PROCR: variants seen among roughly 807,000 people sequenced by gnomAD.
PROCR encodes the protein endothelial protein C receptor.
Under a neutral mutation model 24.2 loss-of-function variants are expected in PROCR, and 22 were observed. The observed-to-expected ratio is 0.91, with a 90% confidence interval of 0.65 to 1.30. The LOEUF is 1.30. Among genes scored for constraint, PROCR ranks in the 50% most tolerant of loss-of-function variants. The pLI is 0.00. For synonymous variants in PROCR, 137 were observed against 139.2 expected (o/e 0.98, Z 0.11); for missense variants, 288 against 307.7 (o/e 0.94, Z 0.48).
intron 1 of PROCR, among the ~76,000 whole-genome samples, chr20:35,214,907 C>CTTTT (rs71198708): frequency 2.5e-5 from 3 of 119,512 alleles, no homozygotes; most frequent in Admixed American, 9.1e-5. Context: ...TTTTCTTTTT[C>CTTTT]TTTTTTTTTT....
chr20:35,182,126 T>C (rs977588704), downstream of PROCR, among the ~76,000 whole-genome samples: 2 of 152,232 alleles, frequency 1.3e-5, no homozygotes, highest in Non-Finnish European at 2.9e-5. Context: ...AAAGGAAAAC[T>C]TTAGATACCT....
At position 35,177,129 on chromosome 20, in the gene PROCR, G is replaced by A. The variant is rs1380530692; in HGVS notation, c.*316G>A. 4 of 1,196,314 alleles carry A rather than the reference G, an allele frequency of 3.3e-6. No homozygotes were observed. In the African/African-American group the frequency reaches 6.3e-5, roughly 19 times the overall value. 74.1% of individuals were successfully genotyped at this position (1,196,314 alleles called of 1,614,324 possible). ...GGAAGCCTATGGCCCATCCTCCAAA[G>A]ACAGACAGAATCACCTGAGGCGTTC... On this transcript the variant is annotated 3_prime_UTR_variant, in exon 4 of 4. Coordinates refer to ENST00000216968, the MANE Select transcript of PROCR (RefSeq NM_006404.5).
chr20:35,181,114 C>T (rs1448519913), downstream of PROCR, among the ~76,000 whole-genome samples: 3 of 151,510 alleles, frequency 2.0e-5, no homozygotes, highest in African/African-American at 7.3e-5. Context: ...GTGATCTACC[C>T]GCCTTGGCCT....
Position 35,174,947 on chromosome 20 carries a change from T to C in PROCR, c.316T>C (p.Leu106=). ...GCGCCTGGTGCACCAGGAGCGGACC[T>C]TGGCCTGTGAGTAGGCGCGCAGCGG... ...LVRLVHQERT[L]AFPLTIRCFL... The change falls in exon 2 of 4, where the codon TTG becomes CTG. Residue 106 remains leucine (L), a synonymous_variant. Transcript: ENST00000216968. The C allele has an allele frequency of 7.1e-7, 1 of 1,413,178 alleles. No individual in the cohort carries two copies. The highest frequency in any genetic ancestry group is 9.4e-7 in the Non-Finnish European group (1 of 1,062,680). 87.5% of individuals were successfully genotyped at this position (1,413,178 alleles called of 1,614,324 possible). A position where few individuals can be genotyped will look rare whatever the true frequency, so the allele number is the denominator to read the frequency against.
downstream of PROCR, chr20:35,177,416 C>CTTCT: frequency 1.3e-6 from 1 of 752,172 alleles, no homozygotes; most frequent in Non-Finnish European, 1.6e-6. Flanking sequence ...ATACCCATTT[C>CTTCT]TTCTGCTTCC....
intron 1 of PROCR, among the ~76,000 whole-genome samples, chr20:35,207,419 T>C (rs975763988): frequency 2.0e-5 from 3 of 150,154 alleles, no homozygotes; most frequent in Non-Finnish European, 4.4e-5. Flanking sequence ...TATATACACA[T>C]ATGAATATTT....
chr20:35,206,492 A>C (rs967345398), intron 1 of PROCR, among the ~76,000 whole-genome samples: 23 of 151,546 alleles, frequency 1.5e-4, no homozygotes, highest in African/African-American at 5.6e-4. Flanking sequence ...AAAAAAAAAA[A>C]AAAAACTCTC....
In PROCR at chr20:35,174,736, C is replaced by G. The variant is rs1223264266; in HGVS notation, c.105C>G (p.Tyr35Ter). 6.2e-7 allele frequency: 1 copy of G among 1,614,018 alleles called. No individual in the cohort carries two copies. The highest frequency in any genetic ancestry group is 1.3e-5 in the African/African-American group (1 of 74,904). Reference protein sequence around the residue: ...LQRLHMLQISYFRDPYHVWYQ... With the variant: ...LQRLHMLQIS Reference sequence around the variant, plus strand: ...GACTTCATATGCTCCAGATCTCCTACTTCCGCGACCCCTATCACGTGTGGT... The same window carrying G: ...GACTTCATATGCTCCAGATCTCCTAGTTCCGCGACCCCTATCACGTGTGGT... The change falls in exon 2 of 4, where the codon TAC (tyrosine) becomes TAG (stop). Residue 35 changes from tyrosine to a stop codon, truncating the protein, a stop_gained. Transcript: ENST00000216968. LOFTEE classifies it high-confidence loss of function.
chr20:35,193,178 CTTTT>C (rs369192046), intron 1 of PROCR, among the ~76,000 whole-genome samples: 3 of 142,318 alleles, frequency 2.1e-5, no homozygotes, highest in Admixed American at 7.0e-5. Context: ...TTCTTTCTTT[CTTTT>C]TTTTTTTTTT....
At chr20:35,179,805 C>T (rs1443793248), downstream of PROCR, among the ~76,000 whole-genome samples, 1 of 152,180 alleles carries the variant, frequency 6.6e-6, no homozygotes, top group Non-Finnish European at 1.5e-5. Context: ...TATTTACTCC[C>T]TCTTATTTAT....
intron 1 of PROCR, among the ~76,000 whole-genome samples, chr20:35,187,047 T>G (rs2086134567): frequency 6.6e-6 from 1 of 152,134 alleles, no homozygotes; most frequent in Non-Finnish European, 1.5e-5. Flanking sequence ...TTGCGCTTCC[T>G]CAATCCATAG....
intron 1 of PROCR, among the ~76,000 whole-genome samples, chr20:35,200,098 C>A (rs1025305531): frequency 2.0e-5 from 3 of 152,176 alleles, no homozygotes; most frequent in African/African-American, 7.2e-5. Flanking sequence ...GGAGTTGCTT[C>A]TTCTGGATAA....
At chr20:35,177,901 G>C (rs1024948995), downstream of PROCR, among the ~76,000 whole-genome samples, 1 of 152,048 alleles carries the variant, frequency 6.6e-6, no homozygotes, top group African/African-American at 2.4e-5. Context: ...TTTTAAAACT[G>C]TTCTGTCTAC....
In PROCR at chr20:35,177,199, A is replaced by G. The variant is rs1600735826; in HGVS notation, c.*386A>G. 9.0e-7 allele frequency: 1 copy of G among 1,113,106 alleles called. No individual in the cohort carries two copies. The highest frequency in any genetic ancestry group is 6.5e-5 in the East Asian group (1 of 15,336). 69.0% of individuals were successfully genotyped at this position (1,113,106 alleles called of 1,614,324 possible). A position where few individuals can be genotyped will look rare whatever the true frequency, so the allele number is the denominator to read the frequency against. On this transcript the variant is annotated 3_prime_UTR_variant, in exon 4 of 4. Transcript: ENST00000216968. ...ACAAGTCATCCACAATCAAAATACA[A>G]CATTCAATACTTCCAGGTGTGTCAG...
At chr20:35,178,751 G>C (rs1186053159), downstream of PROCR, among the ~76,000 whole-genome samples, 1 of 143,212 alleles carries the variant, frequency 7.0e-6, no homozygotes, top group South Asian at 2.3e-4. Context: ...TCCTGACCTC[G>C]TGATCCGCCC....
rs766316108 is a variant in PROCR, at chr20:35,176,369, G to A, written c.524G>A (p.Arg175Gln). Reference sequence around the variant, plus strand: ...CAGCTCAATGCCTACAACCGCACTCGGTATGAACTGCGGGAATTCCTGGAG... The same window carrying A: ...CAGCTCAATGCCTACAACCGCACTCAGTATGAACTGCGGGAATTCCTGGAG... ...LQQLNAYNRT[R>Q]YELREFLEDT... The change falls in exon 3 of 4, where the codon CGG (arginine) becomes CAG (glutamine). Residue 175 changes from arginine (R) to glutamine (Q), a missense_variant. Transcript: ENST00000216968. The A allele has an allele frequency of 4.3e-6, 7 of 1,614,222 alleles. No individual in the cohort carries two copies. Among genetic ancestry groups the A allele is most frequent in the East Asian group, 2.2e-5 (1 of 44,888 alleles).
At chr20:35,180,847 G>GTTTGTTT (rs10564067), downstream of PROCR, among the ~76,000 whole-genome samples, 1 of 151,910 alleles carries the variant, frequency 6.6e-6, no homozygotes, top group African/African-American at 2.4e-5. Context: ...TTTTGTTGTT[G>GTTTGTTT]TTTGTTTTTT....
chr20:35,213,507 T>A (rs1600758941), intron 1 of PROCR, among the ~76,000 whole-genome samples: 1 of 152,336 alleles, frequency 6.6e-6, no homozygotes, highest in Middle Eastern at 3.4e-3. Flanking sequence ...TTTCTGCTTT[T>A]TTTTTGGCCA....
intron 1 of PROCR, among the ~76,000 whole-genome samples, chr20:35,190,967 C>G (rs1280659085): frequency 6.6e-6 from 1 of 152,054 alleles, no homozygotes; most frequent in Non-Finnish European, 1.5e-5. Context: ...TAAAGTGATT[C>G]TCCTGCCTCA....
Sources: gnomAD v4.1 joint callset for allele counts (sites outside exome capture counted in the v4.1 genomes callset) on GRCh38, gnomAD v4.1.1 for gene constraint, MANE v1.5 for transcripts, NCBI Gene and HGNC (gene_info 2026-07-23, HGNC 2026-07-21) for gene names.